CTNNA2: variants seen among roughly 807,000 people sequenced by gnomAD.
CTNNA2 encodes catenin alpha 2.
CTNNA2 carries 42 observed loss-of-function variants against 101.0 expected under a neutral mutation model. The ratio of observed to expected loss-of-function variants is 0.42; its 90% CI spans 0.32 to 0.54. The LOEUF is 0.54. CTNNA2 is among the 20% of genes least tolerant of loss of function. The pLI is 0.14. For missense variants in CTNNA2, 871 were observed against 1,223.1 expected (o/e 0.71, Z 4.29); for synonymous variants, 450 against 456.4 (o/e 0.99, Z 0.18).
At chr2:79,279,740 C>A (rs930989711) in intron 2 of CTNNA2, among the ~76,000 whole-genome samples, 2 of 152,078 alleles carry the variant, frequency 1.3e-5, no homozygotes, top group Non-Finnish European at 2.9e-5. Flanking sequence ...CTTGAAGCCA[C>A]AGCTCATATG....
chr2:79,345,108 T>TTA (rs1491144140), intron 3 of CTNNA2, among the ~76,000 whole-genome samples: 4 of 147,076 alleles, frequency 2.7e-5, no homozygotes, highest in Non-Finnish European at 6.0e-5. Context: ...TGTTTTTTTT[T>TTA]AAAAAAAAAA....
chr2:79,765,945 A>G (rs1051921018), intron 3 of CTNNA2, among the ~76,000 whole-genome samples: 3 of 152,270 alleles, frequency 2.0e-5, no homozygotes, highest in Non-Finnish European at 2.9e-5. Context: ...CAGTATACAC[A>G]TTGCATTTAG....
intron 3 of CTNNA2, among the ~76,000 whole-genome samples, chr2:79,837,527 A>C (rs147527755): frequency 5.6e-4 from 85 of 152,184 alleles, no homozygotes; most frequent in African/African-American, 2.0e-3. Flanking sequence ...ACAGAACCCA[A>C]CCCATTGAAT....
chr2:80,161,540 T>C (rs1267783682), intron 7 of CTNNA2, among the ~76,000 whole-genome samples: 1 of 152,038 alleles, frequency 6.6e-6, no homozygotes, highest in Non-Finnish European at 1.5e-5. Context: ...TTTCAAAGGT[T>C]CAAACAAAAA....
At chr2:80,054,660 T>C in intron 7 of CTNNA2, among the ~76,000 whole-genome samples, 1 of 152,154 alleles carries the variant, frequency 6.6e-6, no homozygotes, top group East Asian at 1.9e-4. Context: ...CAAGGAGATG[T>C]GGGAACCAGA....
At chr2:79,814,747 G>A (rs565982170) in intron 3 of CTNNA2, among the ~76,000 whole-genome samples, 9 of 152,172 alleles carry the variant, frequency 5.9e-5, no homozygotes, top group East Asian at 3.9e-4. Context: ...ATGCATGTGC[G>A]AGTATCTTTT....
At chr2:80,615,496 A>C (rs1041406665) in intron 17 of CTNNA2, among the ~76,000 whole-genome samples, 2 of 151,460 alleles carry the variant, frequency 1.3e-5, no homozygotes, top group Non-Finnish European at 3.0e-5. Context: ...GAAAAGGATA[A>C]ATTTTTCTGT....
At chr2:80,224,605 C>T (rs1473688322) in intron 7 of CTNNA2, among the ~76,000 whole-genome samples, 3 of 151,926 alleles carry the variant, frequency 2.0e-5, no homozygotes, top group African/African-American at 4.8e-5. Flanking sequence ...CCACCATGCC[C>T]GGCTAATGTT....
intron 4 of CTNNA2, among the ~76,000 whole-genome samples, chr2:79,388,898 A>G (rs951829409): frequency 6.6e-6 from 1 of 152,124 alleles, no homozygotes; most frequent in Non-Finnish European, 1.5e-5. Context: ...TTTCCCTGCA[A>G]CATAAAAATT....
intron 9 of CTNNA2, among the ~76,000 whole-genome samples, chr2:80,505,635 T>TG (rs1177058450): frequency 2.0e-5 from 3 of 152,182 alleles, no homozygotes; most frequent in Non-Finnish European, 4.4e-5. Context: ...TCCACAACAG[T>TG]GGGCATATGT....
chr2:79,865,976 C>G (rs903576860), intron 4 of CTNNA2, among the ~76,000 whole-genome samples: 1 of 152,222 alleles, frequency 6.6e-6, no homozygotes, highest in Non-Finnish European at 1.5e-5. Context: ...GCCTCGGCCT[C>G]CCGAAGTGCT....
chr2:79,400,801 C>A (rs1470100029), intron 4 of CTNNA2, among the ~76,000 whole-genome samples: 1 of 151,648 alleles, frequency 6.6e-6, no homozygotes, highest in African/African-American at 2.4e-5. Context: ...CCAATTAGTT[C>A]AATGAACACC....
chr2:80,189,318 C>T (rs552430487), intron 7 of CTNNA2, among the ~76,000 whole-genome samples: 9 of 152,252 alleles, frequency 5.9e-5, no homozygotes, highest in African/African-American at 2.2e-4. Context: ...AAATTTCTGC[C>T]AATGCTGAGT....
intron 15 of CTNNA2, among the ~76,000 whole-genome samples, chr2:80,602,263 T>G (rs1275694980): frequency 2.0e-5 from 3 of 152,090 alleles, no homozygotes; most frequent in Non-Finnish European, 4.4e-5. Context: ...GACATGCTTC[T>G]TTTCATTCTT....
chr2:80,060,609 A>G (rs1458980764), intron 7 of CTNNA2, among the ~76,000 whole-genome samples: 1 of 151,882 alleles, frequency 6.6e-6, no homozygotes, highest in East Asian at 1.9e-4. Flanking sequence ...AGAGTTGTAT[A>G]TTGTTTTCTC....
chr2:79,856,435 T>G (rs1681139268), intron 3 of CTNNA2, among the ~76,000 whole-genome samples: 1 of 152,216 alleles, frequency 6.6e-6, no homozygotes, highest in African/African-American at 2.4e-5. Flanking sequence ...ATGAGCTAGA[T>G]TTTGCTTAGT....
At chr2:79,276,875 C>T (rs910786082) in intron 2 of CTNNA2, among the ~76,000 whole-genome samples, 2 of 152,114 alleles carry the variant, frequency 1.3e-5, no homozygotes, top group South Asian at 2.1e-4. Flanking sequence ...TACTTCTTCA[C>T]TGTGGTCATC....
chr2:79,358,382 T>C (rs1677554559), intron 3 of CTNNA2, among the ~76,000 whole-genome samples: 1 of 152,082 alleles, frequency 6.6e-6, no homozygotes, highest in Non-Finnish European at 1.5e-5. Flanking sequence ...GTATTTTTAG[T>C]AGAGATGGGG....
At chr2:80,582,395 G>A (rs1474882906) in intron 14 of CTNNA2, among the ~76,000 whole-genome samples, 1 of 152,138 alleles carries the variant, frequency 6.6e-6, no homozygotes, top group Non-Finnish European at 1.5e-5. Context: ...AGATCTGTCT[G>A]CCATATGATA....
Sources: gnomAD v4.1 joint callset for allele counts (sites outside exome capture counted in the v4.1 genomes callset) on GRCh38, gnomAD v4.1.1 for gene constraint, MANE v1.5 for transcripts, NCBI Gene and HGNC (gene_info 2026-07-23, HGNC 2026-07-21) for gene names.